CNTN4: variants seen among roughly 807,000 people sequenced by gnomAD.
The protein encoded by CNTN4 is contactin-4.
A neutral mutation model predicts 122.5 loss-of-function variants in CNTN4; 77 were observed. That is an observed-to-expected ratio of 0.63 (90% confidence interval 0.52 to 0.76). CNTN4 has a LOEUF of 0.76. Ranked by LOEUF, CNTN4 falls within the 30% of genes least tolerant of loss-of-function variation. The probability of loss-of-function intolerance (pLI) is 0.00; values close to 1 mark genes in which losing one functional copy is unlikely to be tolerated. For missense variants in CNTN4, 1,256 were observed against 1,259.1 expected (o/e 1.00, Z 0.04); for synonymous variants, 512 against 447.0 (o/e 1.15, Z -1.83).
At chr3:2,266,137 G>T (rs2041035965) in intron 2 of CNTN4, among the ~76,000 whole-genome samples, 1 of 151,970 alleles carries the variant, frequency 6.6e-6, no homozygotes, top group Non-Finnish European at 1.5e-5. Flanking sequence ...TCTTTGTCTT[G>T]TTCTAGATCT....
chr3:2,550,108 G>T (rs1470829923), intron 3 of CNTN4, among the ~76,000 whole-genome samples: 1 of 151,908 alleles, frequency 6.6e-6, no homozygotes, highest in African/African-American at 2.4e-5. Context: ...TATTAGTCTG[G>T]CTAGTAGTTT....
chr3:2,599,881 C>G (rs1359985402), intron 4 of CNTN4, among the ~76,000 whole-genome samples: 1 of 151,946 alleles, frequency 6.6e-6, no homozygotes, highest in Non-Finnish European at 1.5e-5. Context: ...GCTTGAGTTA[C>G]TTATTAGCAA....
At chr3:2,437,003 T>C (rs1393710853) in intron 3 of CNTN4, among the ~76,000 whole-genome samples, 2 of 152,014 alleles carry the variant, frequency 1.3e-5, no homozygotes, top group East Asian at 3.9e-4. Context: ...CTTTAGAGTA[T>C]AGAATGGTGG....
intron 2 of CNTN4, among the ~76,000 whole-genome samples, chr3:2,331,437 C>T (rs2043716788): frequency 1.3e-5 from 2 of 152,052 alleles, no homozygotes; most frequent in Non-Finnish European, 2.9e-5. Flanking sequence ...CATCATCTGC[C>T]CATGAGATGA....
intron 11 of CNTN4, among the ~76,000 whole-genome samples, chr3:2,901,694 T>C (rs1171457314): frequency 6.6e-6 from 1 of 152,210 alleles, no homozygotes; most frequent in Non-Finnish European, 1.5e-5. Context: ...GAGTGAGTAT[T>C]GCCAGGAAAT....
chr3:2,762,967 A>C (rs1377495426), intron 6 of CNTN4, among the ~76,000 whole-genome samples: 1 of 110,418 alleles, frequency 9.1e-6, no homozygotes, highest in African/African-American at 3.5e-5. Flanking sequence ...TTTTAGACTG[A>C]GTCTCGCTGT....
At chr3:2,488,193 G>C (rs146206672) in intron 3 of CNTN4, among the ~76,000 whole-genome samples, 91 of 152,330 alleles carry the variant, frequency 6.0e-4, no homozygotes, top group South Asian at 1.9e-3. Flanking sequence ...GCAGAGGTTT[G>C]ACAATTAGCA....
intron 2 of CNTN4, among the ~76,000 whole-genome samples, chr3:2,247,228 C>A (rs894758824): frequency 6.6e-6 from 1 of 152,006 alleles, no homozygotes; most frequent in Non-Finnish European, 1.5e-5. Context: ...TCTTTACCAG[C>A]TCTGCTAGAG....
rs1576463075 is a variant in CNTN4 at position 2,689,043 on chromosome 3, G to A, written c.56-47172G>A. Among the ~76,000 whole-genome samples, 3 of 152,182 alleles carry A rather than the reference G, an allele frequency of 2.0e-5. No individual in the cohort carries two copies. In the East Asian group the frequency reaches 5.8e-4, roughly 29 times the overall value. Reference sequence around the variant, plus strand: ...GGAATCTAGTCTAACACGACAGAGAGTTCGAAAGGTTGCAGACATAAGAAA... The same window carrying A: ...GGAATCTAGTCTAACACGACAGAGAATTCGAAAGGTTGCAGACATAAGAAA... On this transcript the variant is annotated intron_variant, in intron 4 of 24. Coordinates refer to ENST00000418658, the MANE Select transcript of CNTN4 (RefSeq NM_175607.3).
rs1435679583 is a variant in CNTN4 at position 2,820,957 on chromosome 3, C to CT, written c.454+1379dup. The stretch of plus-strand genomic sequence containing the variant: ...CTTTTTCTCACATGCAACATTTTCT[C>CT]TTTCTTTTTTTTTTTTTTTTTTGAG... On this transcript the variant is annotated intron_variant, in intron 7 of 24. Coordinates refer to ENST00000418658, the MANE Select transcript of CNTN4 (RefSeq NM_175607.3). Among the ~76,000 whole-genome samples, 704 of 70,530 alleles carry CT rather than the reference C, an allele frequency of 1.0e-2. 9 individuals carry two copies. Among genetic ancestry groups the CT allele is most frequent in the African/African-American group, 0.037 (662 of 17,848 alleles). The allele number at this position is 70,530 out of a possible 152,430, so 46.3% of individuals were successfully genotyped here. A position where few individuals can be genotyped will look rare whatever the true frequency, so the allele number is the denominator to read the frequency against.
chr3:2,884,603 A>T (rs1047067750), intron 9 of CNTN4, among the ~76,000 whole-genome samples: 2 of 152,206 alleles, frequency 1.3e-5, no homozygotes, highest in South Asian at 2.1e-4. Context: ...GGATAATATG[A>T]TTACACTTTT....
At chr3:2,547,658 C>T (rs180819482) in intron 3 of CNTN4, among the ~76,000 whole-genome samples, 200 of 152,172 alleles carry the variant, frequency 1.3e-3, no homozygotes, top group Non-Finnish European at 2.4e-3. Flanking sequence ...CAGAGAGGCT[C>T]AACTGGAAAA....
At chr3:2,739,760 T>C (rs1459558749) in intron 5 of CNTN4, among the ~76,000 whole-genome samples, 1 of 152,208 alleles carries the variant, frequency 6.6e-6, no homozygotes, top group Non-Finnish European at 1.5e-5. Context: ...AACCCAGAGA[T>C]GCAGTTATCG....
intron 12 of CNTN4, among the ~76,000 whole-genome samples, chr3:2,918,497 G>A (rs992252004): frequency 1.2e-4 from 19 of 152,128 alleles, no homozygotes; most frequent in African/African-American, 2.7e-4. Flanking sequence ...AGGGAAAGGC[G>A]GTTAGCTGCT....
intron 3 of CNTN4, among the ~76,000 whole-genome samples, chr3:2,402,640 C>T (rs947558418): frequency 6.6e-6 from 1 of 152,080 alleles, no homozygotes; most frequent in African/African-American, 2.4e-5. Context: ...CTACTGAACA[C>T]TAGATCTTTT....
At chr3:2,300,560 CTTTTTTTTTTTTT>C (rs575192976) in intron 2 of CNTN4, among the ~76,000 whole-genome samples, 99 of 62,020 alleles carry the variant, frequency 1.6e-3, no homozygotes, top group African/African-American at 5.2e-3. Context: ...CAGTGACCGT[CTTTTTTTTTTTTT>C]TTTTTTTTTT....
chr3:2,747,429 AAT>A (rs1249595892), intron 6 of CNTN4, among the ~76,000 whole-genome samples: 17 of 6,120 alleles, frequency 2.8e-3, no homozygotes, highest in African/African-American at 5.1e-3. Flanking sequence ...TAAAAATAAA[AAT>A]AAAAAATAAA....
intron 3 of CNTN4, among the ~76,000 whole-genome samples, chr3:2,487,217 T>C (rs1217892455): frequency 6.6e-6 from 1 of 152,254 alleles, no homozygotes; most frequent in African/African-American, 2.4e-5. Context: ...TTTTAGTGTA[T>C]ATAAACATAT....
At chr3:2,853,199 GTGTCCAC>G (rs2093575015) in intron 7 of CNTN4, among the ~76,000 whole-genome samples, 1 of 151,472 alleles carries the variant, frequency 6.6e-6, no homozygotes, top group South Asian at 2.1e-4. Flanking sequence ...AAAAAGAACA[GTGTCCAC>G]TAGGGAGTTT....
Sources: gnomAD v4.1 joint callset for allele counts (sites outside exome capture counted in the v4.1 genomes callset) on GRCh38, gnomAD v4.1.1 for gene constraint, MANE v1.5 for transcripts, NCBI Gene and HGNC (gene_info 2026-07-23, HGNC 2026-07-21) for gene names.